OGDH: variants seen among roughly 807,000 people sequenced by gnomAD.
OGDH encodes oxoglutarate dehydrogenase.
Under a neutral mutation model 116.6 loss-of-function variants are expected in OGDH, and 38 were observed. The ratio of observed to expected loss-of-function variants is 0.33; its 90% CI spans 0.25 to 0.43. The LOEUF (loss-of-function observed/expected upper bound fraction) is 0.43, where lower values mean the gene tolerates loss of function less well. Among genes scored for constraint, OGDH ranks in the 20% least tolerant of loss-of-function variants. The probability of loss-of-function intolerance (pLI) is 1.00; values close to 1 mark genes in which losing one functional copy is unlikely to be tolerated. For synonymous variants in OGDH, 488 were observed against 533.3 expected (o/e 0.92, Z 1.17); for missense variants, 825 against 1,357.2 (o/e 0.61, Z 6.16).
intron 10 of OGDH, among the ~76,000 whole-genome samples, chr7:44,687,841 G>A (rs1478335150): frequency 6.6e-6 from 1 of 151,926 alleles, no homozygotes; most frequent in South Asian, 2.1e-4. Flanking sequence ...TTATAAATAC[G>A]TGCAACTATC....
intron 3 of OGDH, 28 bp downstream of exon 3, chr7:44,645,546 G>C: frequency 6.2e-7 from 1 of 1,607,918 alleles, no homozygotes; most frequent in Non-Finnish European, 8.5e-7. Context: ...CCCGCACACG[G>C]GAAAGGGTGC....
At chr7:44,653,122 C>T (rs1265325672) in intron 4 of OGDH, among the ~76,000 whole-genome samples, 2 of 151,976 alleles carry the variant, frequency 1.3e-5, no homozygotes, top group African/African-American at 4.8e-5. Context: ...GAGACAGAGT[C>T]TTACTCTGTC....
At chr7:44,638,557 G>A (rs1785778692) in intron 2 of OGDH, among the ~76,000 whole-genome samples, 1 of 152,158 alleles carries the variant, frequency 6.6e-6, no homozygotes, top group African/African-American at 2.4e-5. Flanking sequence ...CACTGCCCCT[G>A]CCTACATCAG....
chr7:44,610,295 G>T (rs910930974), intron 1 of OGDH, among the ~76,000 whole-genome samples: 65 of 148,634 alleles, frequency 4.4e-4, no homozygotes, highest in Non-Finnish European at 5.2e-4. Flanking sequence ...TTTCATCTTG[G>T]TTTTTTTTTT....
At chr7:44,641,119 T>C (rs1415620591) in intron 2 of OGDH, among the ~76,000 whole-genome samples, 1 of 150,342 alleles carries the variant, frequency 6.7e-6, no homozygotes, top group Non-Finnish European at 1.5e-5. Flanking sequence ...GCCAGGATGG[T>C]CTCGATCTCC....
chr7:44,653,426 G>C (rs573053205), intron 4 of OGDH, among the ~76,000 whole-genome samples: 1 of 151,808 alleles, frequency 6.6e-6, no homozygotes, highest in East Asian at 2.0e-4. Flanking sequence ...ATTCGAATTA[G>C]TTTCCCACTT....
At chr7:44,683,421 G>A (rs542794993) in intron 10 of OGDH, among the ~76,000 whole-genome samples, 1 of 152,030 alleles carries the variant, frequency 6.6e-6, no homozygotes, top group East Asian at 1.9e-4. Context: ...TGTAGAGGCG[G>A]GATGTCACTC....
intron 4 of OGDH, among the ~76,000 whole-genome samples, chr7:44,662,708 C>T (rs1223651201): frequency 4.6e-5 from 7 of 152,042 alleles, no homozygotes; most frequent in African/African-American, 1.7e-4. Context: ...TGATCTGCCC[C>T]ACCTCGGCCT....
intron 4 of OGDH, among the ~76,000 whole-genome samples, chr7:44,658,457 T>TA (rs1459480087): frequency 6.6e-6 from 1 of 151,934 alleles, no homozygotes; most frequent in Non-Finnish European, 1.5e-5. Context: ...TAGGGCTTTT[T>TA]TTTTTTTTTT....
chr7:44,647,434 T>C (rs367789980), intron 3 of OGDH: 6 of 1,533,948 alleles, frequency 3.9e-6, no homozygotes, highest in Middle Eastern at 1.7e-4. Context: ...GCTTGTGTTA[T>C]TGCTTCCAGG....
intron 4 of OGDH, among the ~76,000 whole-genome samples, chr7:44,654,504 G>A (rs150439584): frequency 3.9e-5 from 6 of 152,308 alleles, no homozygotes; most frequent in Non-Finnish European, 8.8e-5. Flanking sequence ...TAGAGTTGAC[G>A]TTTAATTAGC....
intron 2 of OGDH, among the ~76,000 whole-genome samples, chr7:44,628,612 A>C (rs1785298818): frequency 6.6e-6 from 1 of 151,782 alleles, no homozygotes; most frequent in Admixed American, 6.6e-5. Flanking sequence ...AAGCTTTTTA[A>C]AAAAATAAAA....
intron 4 of OGDH, among the ~76,000 whole-genome samples, chr7:44,654,134 C>T (rs1314811034): frequency 6.6e-6 from 1 of 152,230 alleles, no homozygotes; most frequent in Non-Finnish European, 1.5e-5. Context: ...GGATTATAGG[C>T]ATGAGCCACC....
In OGDH at chr7:44,696,448, G is replaced by A; in HGVS notation, c.1791G>A (p.Gly597=). Residue 597 remains glycine (G), a synonymous_variant, in exon 14 of 23, where the codon GGG becomes GGA. Coordinates refer to ENST00000222673, the MANE Select transcript of OGDH (RefSeq NM_002541.4). ...SPWPGFFTLD[G]QPRSMSCPST... The stretch of plus-strand genomic sequence containing the variant: ...TCCTAGGCTTCTTCACCCTGGACGG[G>A]CAGCCCAGGAGCATGTCCTGCCCCT... 2.5e-6 allele frequency: 4 copies of A among 1,613,894 alleles called. No homozygotes were observed. Among genetic ancestry groups the A allele is most frequent in the Non-Finnish European group, 3.4e-6 (4 of 1,179,930 alleles).
intron 2 of OGDH, among the ~76,000 whole-genome samples, chr7:44,637,780 C>T (rs1785738069): frequency 6.6e-6 from 1 of 151,472 alleles, no homozygotes; most frequent in South Asian, 2.1e-4. Flanking sequence ...GATCACGCCA[C>T]TGCACTCCAG....
intron 2 of OGDH, among the ~76,000 whole-genome samples, chr7:44,632,938 TGAAAG>T (rs1229829467): frequency 6.6e-6 from 1 of 151,724 alleles, no homozygotes; most frequent in Non-Finnish European, 1.5e-5. Context: ...TGTCAGAAAT[TGAAAG>T]GGGAGAGAGA....
In OGDH at chr7:44,708,104, C is replaced by T. The variant is rs1323470877; in HGVS notation, c.*105C>T. 1 of 1,427,566 alleles carries T rather than the reference C, an allele frequency of 7.0e-7. No homozygotes were observed. The highest frequency in any genetic ancestry group is 2.1e-5 in the Admixed American group (1 of 47,932). The allele number at this position is 1,427,566 out of a possible 1,614,324, so 88.4% of individuals were successfully genotyped here. ...TCAGCGCTGCCCACACCACCGCCCT[C>T]CTCGCTGTGCCACCACCCCTCCCTC... On this transcript the variant is annotated 3_prime_UTR_variant, in exon 23 of 23. Transcript: ENST00000222673.
chr7:44,705,740 T>A (rs1789042023), intron 20 of OGDH, among the ~76,000 whole-genome samples: 1 of 152,218 alleles, frequency 6.6e-6, no homozygotes, highest in Non-Finnish European at 1.5e-5. Flanking sequence ...ATTGTTGGCC[T>A]AATTTCCTCT....
At chr7:44,641,211 T>TTTTTTTTTTTTC (rs1785923891) in intron 2 of OGDH, among the ~76,000 whole-genome samples, 1 of 90,792 alleles carries the variant, frequency 1.1e-5, no homozygotes, top group African/African-American at 1.2e-4. Flanking sequence ...TTTTTCTTCT[T>TTTTTTTTTTTTC]TTTTTTTTTT....
Sources: gnomAD v4.1 joint callset for allele counts (sites outside exome capture counted in the v4.1 genomes callset) on GRCh38, gnomAD v4.1.1 for gene constraint, MANE v1.5 for transcripts, NCBI Gene and HGNC (gene_info 2026-07-23, HGNC 2026-07-21) for gene names.